PCGF5: variants seen among roughly 807,000 people sequenced by gnomAD.
PCGF5 encodes the protein polycomb group ring finger 5.
A neutral mutation model predicts 44.3 loss-of-function variants in PCGF5; 9 were observed. The ratio of observed to expected loss-of-function variants is 0.20; its 90% confidence interval spans 0.12 to 0.35. The LOEUF is 0.35. Among genes scored for constraint, PCGF5 ranks in the 10% least tolerant of loss-of-function variants. The probability of loss-of-function intolerance (pLI) is 1.00; values close to 1 mark genes in which losing one functional copy is unlikely to be tolerated. For synonymous variants in PCGF5, 95 were observed against 102.5 expected, an observed-to-expected ratio of 0.93 and a Z score of 0.44; for missense variants, 146 against 305.3, an observed-to-expected ratio of 0.48 and a Z score of 3.89.
At chr10:91,262,889 A>G (rs1330510184) in intron 7 of PCGF5, among the ~76,000 whole-genome samples, 1 of 152,178 alleles carries the variant, frequency 6.6e-6, no homozygotes, top group African/African-American at 2.4e-5. Context: ...AATACCATGT[A>G]TGGTTTTATT....
chr10:91,159,250 A>T (rs1251312706), upstream of PCGF5, among the ~76,000 whole-genome samples: 2 of 151,536 alleles, frequency 1.3e-5, no homozygotes, highest in Non-Finnish European at 2.9e-5. Flanking sequence ...GGAAGTCATA[A>T]TTTTTTTTTG....
intron 9 of PCGF5, among the ~76,000 whole-genome samples, chr10:91,271,923 C>T (rs1846190787): frequency 6.6e-5 from 10 of 152,172 alleles, no homozygotes; most frequent in Admixed American, 4.6e-4. Context: ...AAGGCTATTA[C>T]TTATGAATCA....
At chr10:91,161,000 TCTC>T (rs1176701743), upstream of PCGF5, among the ~76,000 whole-genome samples, 2 of 152,194 alleles carry the variant, frequency 1.3e-5, no homozygotes, top group African/African-American at 4.8e-5. Flanking sequence ...TCCACTGGCT[TCTC>T]CTGCTTTCCA....
intron 1 of PCGF5, among the ~76,000 whole-genome samples, chr10:91,175,503 C>A (rs1258802604): frequency 1.3e-5 from 2 of 151,686 alleles, no homozygotes; most frequent in Non-Finnish European, 2.9e-5. Flanking sequence ...GTGAACCCAT[C>A]ATTCAACAAC....
chr10:91,177,673 G>C (rs950568131), intron 1 of PCGF5, among the ~76,000 whole-genome samples: 1 of 152,252 alleles, frequency 6.6e-6, no homozygotes, highest in Admixed American at 6.5e-5. Context: ...CTAGCAATGA[G>C]CGAGGCTCCA....
At chr10:91,249,490 A>G (rs959849294) in intron 5 of PCGF5, among the ~76,000 whole-genome samples, 7 of 149,924 alleles carry the variant, frequency 4.7e-5, no homozygotes, top group Admixed American at 1.3e-4. Context: ...TTTAAATATG[A>G]GATTTAATTT....
intron 6 of PCGF5, among the ~76,000 whole-genome samples, chr10:91,255,418 T>G (rs1312503292): frequency 1.3e-5 from 2 of 152,034 alleles, no homozygotes; most frequent in Non-Finnish European, 2.9e-5. Flanking sequence ...GGCCCTAAGC[T>G]CTCACCTCTG....
chr10:91,283,118 C>G lies in PCGF5; in HGVS notation c.*4802C>G, dbSNP rs1327549701. On this transcript the variant is annotated 3_prime_UTR_variant, in exon 10 of 10. Transcript: ENST00000336126. The stretch of plus-strand genomic sequence containing the variant: ...TTCAAATGTACTTAAATGTACAATA[C>G]AGTGTTCAATAGTTTTTATTGCAGT... 1 of 152,100 alleles carries G rather than the reference C, an allele frequency of 6.6e-6. No individual in the cohort carries two copies. The allele number at this position is 152,100 out of a possible 1,614,324, so 9.4% of individuals were successfully genotyped here. A position where few individuals can be genotyped will look rare whatever the true frequency, so the allele number is the denominator to read the frequency against.
At chr10:91,238,601 C>CTTTTTTTT (rs71487496) in intron 2 of PCGF5, among the ~76,000 whole-genome samples, 634 of 58,562 alleles carry the variant, frequency 0.011, 13 homozygotes, top group East Asian at 0.026. Flanking sequence ...TTCTTTCTTT[C>CTTTTTTTT]TTTTTTTTTT....
chr10:91,246,040 A>G (rs995098046), intron 3 of PCGF5, among the ~76,000 whole-genome samples: 3 of 152,180 alleles, frequency 2.0e-5, no homozygotes, highest in African/African-American at 7.2e-5. Flanking sequence ...GTACTAAATA[A>G]TTTTGAGCAA....
chr10:91,204,016 G>C (rs1358792777), intron 1 of PCGF5, among the ~76,000 whole-genome samples: 1 of 152,120 alleles, frequency 6.6e-6, no homozygotes, highest in African/African-American at 2.4e-5. Context: ...AGTTTGTGAA[G>C]CATGACACCA....
chr10:91,226,012 C>T (rs1844824855), intron 2 of PCGF5, among the ~76,000 whole-genome samples: 1 of 151,806 alleles, frequency 6.6e-6, no homozygotes. Flanking sequence ...ATTGTAGTAC[C>T]ATATAATATT....
At chr10:91,212,700 TTG>T (rs1844475081) in intron 1 of PCGF5, among the ~76,000 whole-genome samples, 3 of 152,336 alleles carry the variant, frequency 2.0e-5, no homozygotes, top group Admixed American at 2.0e-4. Flanking sequence ...TGTTCACACT[TTG>T]GGTAGGTAAG....
chr10:91,260,504 T>C (rs61875625), intron 6 of PCGF5, among the ~76,000 whole-genome samples: 1 of 152,156 alleles, frequency 6.6e-6, no homozygotes, highest in Non-Finnish European at 1.5e-5. Context: ...TAAAGACACA[T>C]GCACACATAT....
intron 8 of PCGF5, among the ~76,000 whole-genome samples, chr10:91,265,114 G>T (rs1447201158): frequency 1.3e-5 from 2 of 152,100 alleles, no homozygotes; most frequent in African/African-American, 4.8e-5. Flanking sequence ...AACCCAAAAG[G>T]TGAATTTTGT....
intron 1 of PCGF5, among the ~76,000 whole-genome samples, chr10:91,210,907 A>G (rs1844440133): frequency 6.6e-6 from 1 of 152,140 alleles, no homozygotes; most frequent in Non-Finnish European, 1.5e-5. Context: ...AGAATATCTC[A>G]TTTTTTCAGA....
At chr10:91,216,379 T>G (rs1014938507), upstream of PCGF5, among the ~76,000 whole-genome samples, 9 of 152,056 alleles carry the variant, frequency 5.9e-5, no homozygotes, top group Admixed American at 4.6e-4. Flanking sequence ...GACCTATCTA[T>G]CTAGCTAGAG....
chr10:91,213,712 C>T (rs2133256853), intron 1 of PCGF5, among the ~76,000 whole-genome samples: 1 of 151,862 alleles, frequency 6.6e-6, no homozygotes, highest in African/African-American at 2.4e-5. Context: ...TCTCAAACTC[C>T]CGACCTCAGA....
upstream of PCGF5, among the ~76,000 whole-genome samples, chr10:91,217,656 A>T (rs1438513628): frequency 6.6e-6 from 1 of 152,200 alleles, no homozygotes; most frequent in Non-Finnish European, 1.5e-5. Flanking sequence ...CTTTGGGATT[A>T]TGCTTCTTTG....
Sources: allele counts gnomAD v4.1 joint callset (sites outside exome capture counted in the v4.1 genomes callset), GRCh38; gene constraint gnomAD v4.1.1; transcripts MANE v1.5; gene names NCBI Gene and HGNC (gene_info 2026-07-23, HGNC 2026-07-21).